SHISA9: variants seen among roughly 807,000 people sequenced by gnomAD.
The protein encoded by SHISA9 is shisa family member 9.
Under a neutral mutation model 38.0 loss-of-function variants are expected in SHISA9, and 13 were observed. That is an observed-to-expected ratio of 0.34 (90% confidence interval 0.22 to 0.54). The LOEUF is 0.54. SHISA9 is among the 20% of genes least tolerant of loss of function. The pLI, the probability that SHISA9 is intolerant of heterozygous loss-of-function variation, is 0.91. For missense variants in SHISA9, 538 were observed against 575.8 expected, an observed-to-expected ratio of 0.93 and a Z score of 0.67; for synonymous variants, 275 against 242.0, an observed-to-expected ratio of 1.14 and a Z score of -1.27.
chr16:13,232,197 A>G (rs554260287), intron 4 of SHISA9, among the ~76,000 whole-genome samples: 7 of 152,344 alleles, frequency 4.6e-5, no homozygotes, highest in Admixed American at 1.3e-4. Flanking sequence ...TAAAAGAGCA[A>G]ATACTTCTGG....
At chr16:12,959,980 A>G (rs925169183) in intron 2 of SHISA9, among the ~76,000 whole-genome samples, 3 of 152,252 alleles carry the variant, frequency 2.0e-5, no homozygotes, top group Admixed American at 6.5e-5. Flanking sequence ...GGTTTCCTTC[A>G]GGAATAGGAA....
intron 2 of SHISA9, among the ~76,000 whole-genome samples, chr16:13,196,098 A>C (rs2050937034): frequency 7.1e-6 from 1 of 141,120 alleles, no homozygotes; most frequent in African/African-American, 2.6e-5. Context: ...AAAAAAAAAA[A>C]AAAAAAAAAA....
the SHISA9 span, among the ~76,000 whole-genome samples, chr16:13,290,193 A>T: frequency 6.6e-6 from 1 of 152,154 alleles, no homozygotes; most frequent in Non-Finnish European, 1.5e-5. Flanking sequence ...GGTATTGTAC[A>T]TGTAGCAATA....
At position 13,208,441 on chromosome 16, in the gene SHISA9, T is replaced by C. The variant is rs986717539; in HGVS notation, c.848-4812T>C. ...TCTTTTCCTTTCTTTTTCTTTTTTT[T>C]TCTTTTTTTTTTTTTTTGAGACAGA... On this transcript the variant is annotated intron_variant, in intron 3 of 4. Coordinates refer to ENST00000558583, the MANE Select transcript of SHISA9 (RefSeq NM_001145204.3). 3.2e-5 allele frequency among the ~76,000 whole-genome samples: 3 copies of C among 92,600 alleles called. No individual in the cohort carries two copies. The Admixed American group carries it at 3.3e-4, about 10-fold the overall frequency. 60.7% of individuals were successfully genotyped at this position (92,600 alleles called of 152,430 possible).
At chr16:12,932,543 G>C (rs747224007) in intron 2 of SHISA9, among the ~76,000 whole-genome samples, 6 of 152,146 alleles carry the variant, frequency 3.9e-5, no homozygotes, top group Non-Finnish European at 8.8e-5. Context: ...GTTTCACCAT[G>C]TTGGCCAGGC....
At chr16:13,505,035 G>C in the SHISA9 span, among the ~76,000 whole-genome samples, 1 of 152,172 alleles carries the variant, frequency 6.6e-6, no homozygotes, top group Non-Finnish European at 1.5e-5. Context: ...GAGAAAGGCT[G>C]CTCGGTGTGG....
the SHISA9 span, among the ~76,000 whole-genome samples, chr16:13,509,601 G>C: frequency 6.6e-6 from 1 of 152,168 alleles, no homozygotes; most frequent in Non-Finnish European, 1.5e-5. Context: ...TTCCGAATTT[G>C]AATTTGCCCA....
At position 13,078,621 on chromosome 16, in the gene SHISA9, G is replaced by A. The variant is rs2141932446; in HGVS notation, c.692-124773G>A. 1.3e-5 allele frequency among the ~76,000 whole-genome samples: 2 copies of A among 152,264 alleles called. 1 individual carries two copies. Among genetic ancestry groups the A allele is most frequent in the Middle Eastern group, 6.8e-3 (2 of 294 alleles). ...GAGTTTTGCCATGTTGACCAAGCTGGTCTCCAACTCCTGGCCTCATGTGAC... is the reference window on the plus strand; with the variant it reads ...GAGTTTTGCCATGTTGACCAAGCTGATCTCCAACTCCTGGCCTCATGTGAC... On this transcript the variant is annotated intron_variant, in intron 2 of 4. Coordinates refer to ENST00000558583, the MANE Select transcript of SHISA9 (RefSeq NM_001145204.3).
chr16:13,418,240 T>C, the SHISA9 span, among the ~76,000 whole-genome samples: 2 of 152,192 alleles, frequency 1.3e-5, no homozygotes, highest in African/African-American at 2.4e-5. Context: ...CAATTGTTTA[T>C]TGCTAAGTAT....
intron 2 of SHISA9, among the ~76,000 whole-genome samples, chr16:13,095,403 G>A (rs1407243230): frequency 6.6e-6 from 1 of 152,320 alleles, no homozygotes; most frequent in Non-Finnish European, 1.5e-5. Context: ...TGGGGAAGAA[G>A]CAATGAGTGA....
At chr16:13,492,200 T>C in the SHISA9 span, among the ~76,000 whole-genome samples, 1 of 151,870 alleles carries the variant, frequency 6.6e-6, no homozygotes, top group East Asian at 1.9e-4. Context: ...GAAAAGTAAA[T>C]GTCAAATACA....
At chr16:13,051,369 A>G (rs1047270076) in intron 2 of SHISA9, among the ~76,000 whole-genome samples, 4 of 152,168 alleles carry the variant, frequency 2.6e-5, no homozygotes, top group South Asian at 2.1e-4. Flanking sequence ...CGATGATGCA[A>G]TTGTCTCCAC....
chr16:13,136,721 G>A (rs992048277), intron 2 of SHISA9, among the ~76,000 whole-genome samples: 1 of 152,100 alleles, frequency 6.6e-6, no homozygotes, highest in Non-Finnish European at 1.5e-5. Context: ...TTAATAGGTA[G>A]TCTGATCACT....
intron 2 of SHISA9, among the ~76,000 whole-genome samples, chr16:13,112,239 GT>G (rs1180133726): frequency 1.3e-5 from 2 of 152,084 alleles, no homozygotes; most frequent in African/African-American, 4.8e-5. Flanking sequence ...GAGCAATTTG[GT>G]GTTTTAGTTA....
chr16:13,496,842 G>A, the SHISA9 span, among the ~76,000 whole-genome samples: 4 of 152,122 alleles, frequency 2.6e-5, no homozygotes, highest in Non-Finnish European at 5.9e-5. Context: ...GCCAAGAGAT[G>A]AAGATATATC....
chr16:13,531,182 T>C, the SHISA9 span, among the ~76,000 whole-genome samples: 2 of 152,188 alleles, frequency 1.3e-5, no homozygotes, highest in African/African-American at 2.4e-5. Flanking sequence ...ATTTCAATTA[T>C]TGTACCCAAA....
At chr16:13,200,573 T>C (rs1596726118) in intron 2 of SHISA9, among the ~76,000 whole-genome samples, 1 of 152,166 alleles carries the variant, frequency 6.6e-6, no homozygotes, top group South Asian at 2.1e-4. Context: ...CCCTGGTGGG[T>C]TGGCTTTGGA....
chr16:13,356,076 C>A, the SHISA9 span, among the ~76,000 whole-genome samples: 1 of 152,290 alleles, frequency 6.6e-6, no homozygotes, highest in East Asian at 1.9e-4. Flanking sequence ...CTGGCCACTG[C>A]GGTTCAGGCG....
chr16:13,550,680 C>G, the SHISA9 span, among the ~76,000 whole-genome samples: 20 of 152,332 alleles, frequency 1.3e-4, no homozygotes, highest in African/African-American at 4.6e-4. Context: ...ATTTTTAATG[C>G]ATACTCAGTT....
Sources: allele counts gnomAD v4.1 joint callset (sites outside exome capture counted in the v4.1 genomes callset), GRCh38; gene constraint gnomAD v4.1.1; transcripts MANE v1.5; gene names NCBI Gene and HGNC (gene_info 2026-07-23, HGNC 2026-07-21).